Variants in DYM observed in about 807,000 individuals in gnomAD.
DYM encodes the protein dyggve-Melchior-Clausen syndrome protein.
DYM carries 78 observed loss-of-function variants against 93.1 expected under a neutral mutation model. The observed-to-expected ratio is 0.84, with a 90% CI of 0.70 to 1.01. DYM has a LOEUF of 1.01. DYM is among the 50% of genes least tolerant of loss of function. The pLI, the probability that DYM is intolerant of heterozygous loss-of-function variation, is 0.00. For missense variants in DYM, 789 were observed against 845.0 expected (o/e 0.93, Z 0.82); for synonymous variants, 321 against 319.7 (o/e 1.00, Z -0.04).
intron 11 of DYM, among the ~76,000 whole-genome samples, chr18:49,259,396 C>A (rs2094455034): frequency 6.6e-6 from 1 of 152,190 alleles, no homozygotes; most frequent in African/African-American, 2.4e-5. Context: ...ACGTTAAATA[C>A]CGTGATGATA....
intron 13 of DYM, among the ~76,000 whole-genome samples, chr18:49,254,790 A>G (rs192138008): frequency 2.8e-3 from 422 of 152,362 alleles, no homozygotes; most frequent in Non-Finnish European, 5.0e-3. Flanking sequence ...TGAAATCTTC[A>G]TGAAACCATT....
intron 6 of DYM, among the ~76,000 whole-genome samples, chr18:49,336,857 T>C (rs1196516859): frequency 1.3e-5 from 2 of 152,184 alleles, no homozygotes; most frequent in Non-Finnish European, 2.9e-5. Context: ...ATAGTAACTA[T>C]GGGATCAAAA....
chr18:49,163,842 C>G (rs759782868), intron 14 of DYM, 55 bp from the exon 15 acceptor site: 90 of 1,165,874 alleles, frequency 7.7e-5, no homozygotes, highest in Non-Finnish European at 1.0e-4. Context: ...TCTTTTCTGT[C>G]TTCTGTGGAA....
At chr18:49,305,394 G>T (rs1054254455) in intron 8 of DYM, among the ~76,000 whole-genome samples, 1 of 152,146 alleles carries the variant, frequency 6.6e-6, no homozygotes, top group East Asian at 1.9e-4. Flanking sequence ...CATTGACCTA[G>T]TCCCTGGGGA....
intron 14 of DYM, among the ~76,000 whole-genome samples, chr18:49,204,786 G>A (rs2092382573): frequency 6.6e-6 from 1 of 152,124 alleles, no homozygotes; most frequent in African/African-American, 2.4e-5. Context: ...ATTCTCAAGC[G>A]CTTACTCAAA....
intron 14 of DYM, among the ~76,000 whole-genome samples, chr18:49,174,392 A>G (rs1452773297): frequency 3.9e-5 from 6 of 152,186 alleles, no homozygotes; most frequent in African/African-American, 1.4e-4. Context: ...GAAGTAAATT[A>G]ACTTGCCAAG....
intron 6 of DYM, among the ~76,000 whole-genome samples, chr18:49,350,976 T>C (rs758309250): frequency 6.6e-6 from 1 of 152,040 alleles, no homozygotes; most frequent in South Asian, 2.1e-4. Flanking sequence ...TTTTAAAAGA[T>C]GTAAAAAGTT....
At chr18:49,119,909 G>A (rs1306426047) in intron 15 of DYM, among the ~76,000 whole-genome samples, 1 of 151,702 alleles carries the variant, frequency 6.6e-6, no homozygotes, top group Non-Finnish European at 1.5e-5. Context: ...GCAACATGAC[G>A]AAACCCCATG....
rs373608446 is a variant in DYM, at chr18:49,242,679, A to C, written c.1460+14331T>G. 5.3e-4 allele frequency among the ~76,000 whole-genome samples: 81 copies of C among 152,250 alleles called. 1 individual carries two copies. The South Asian group carries it at 0.015, about 28-fold the overall frequency. On this transcript the variant is annotated intron_variant, in intron 13 of 17. Coordinates refer to ENST00000675505, the MANE Select transcript of DYM (RefSeq NM_001353214.3). The stretch of plus-strand genomic sequence containing the variant: ...GAAGTACACCCAAAAACGTCAAGTT[A>C]TAACTAGCGTTATTTTTGTTTGTTT...
intron 1 of DYM, among the ~76,000 whole-genome samples, chr18:49,441,268 A>AATATATAATT (rs2081538521): frequency 3.0e-5 from 1 of 33,878 alleles, no homozygotes; most frequent in Non-Finnish European, 4.9e-5. Context: ...ATAATTATAT[A>AATATATAATT]ATATATATTA....
chr18:49,376,725 C>T (rs1303268790), intron 5 of DYM, among the ~76,000 whole-genome samples: 2 of 152,144 alleles, frequency 1.3e-5, no homozygotes, highest in African/African-American at 4.8e-5. Flanking sequence ...ATGAACCTGC[C>T]AAATGGCTAT....
chr18:49,187,161 G>T (rs139824879), intron 14 of DYM, among the ~76,000 whole-genome samples: 2 of 151,906 alleles, frequency 1.3e-5, no homozygotes, highest in African/African-American at 4.8e-5. Flanking sequence ...CCTCATGATC[G>T]CCCGCCTCGG....
chr18:49,374,024 G>C (rs1392171668), intron 5 of DYM, among the ~76,000 whole-genome samples: 1 of 152,130 alleles, frequency 6.6e-6, no homozygotes, highest in African/African-American at 2.4e-5. Context: ...GAAGGCTAAT[G>C]ATCAAAATAG....
At chr18:49,452,995 G>A (rs1349297985) in intron 1 of DYM, among the ~76,000 whole-genome samples, 1 of 131,852 alleles carries the variant, frequency 7.6e-6, no homozygotes, top group Non-Finnish European at 1.6e-5. Flanking sequence ...ATCTGGTGGG[G>A]ACTTGGAGAA....
intron 15 of DYM, among the ~76,000 whole-genome samples, chr18:49,136,899 T>C (rs191066570): frequency 6.6e-6 from 1 of 152,286 alleles, no homozygotes; most frequent in Admixed American, 6.5e-5. Context: ...GAAAAGATTT[T>C]GTTAAGAGGA....
intron 15 of DYM, among the ~76,000 whole-genome samples, chr18:49,150,222 TAA>T (rs1356137331): frequency 5.3e-5 from 8 of 152,268 alleles, no homozygotes; most frequent in Admixed American, 1.3e-4. Flanking sequence ...GTATGAAACT[TAA>T]GAGAGATCAT....
chr18:49,092,117 T>C (rs990254536), intron 17 of DYM, among the ~76,000 whole-genome samples: 1 of 152,224 alleles, frequency 6.6e-6, no homozygotes, highest in African/African-American at 2.4e-5. Flanking sequence ...TGATGTAAAA[T>C]GTATTTTTTG....
intron 17 of DYM, among the ~76,000 whole-genome samples, chr18:49,086,226 T>C: frequency 6.6e-6 from 1 of 152,220 alleles, no homozygotes; most frequent in East Asian, 1.9e-4. Context: ...AAGTCCCAGG[T>C]TGGGCTGCAT....
intron 16 of DYM, among the ~76,000 whole-genome samples, chr18:49,107,412 A>C (rs1264691647): frequency 2.0e-5 from 3 of 152,116 alleles, no homozygotes; most frequent in Non-Finnish European, 4.4e-5. Context: ...AACTCTTCAA[A>C]GTCATTCTCC....
Sources: allele counts gnomAD v4.1 joint callset (sites outside exome capture counted in the v4.1 genomes callset), GRCh38; gene constraint gnomAD v4.1.1; transcripts MANE v1.5; gene names NCBI Gene and HGNC (gene_info 2026-07-23, HGNC 2026-07-21).